Variants in ALMS1 observed in about 807,000 individuals in gnomAD.
ALMS1 encodes ALMS1 centrosome and basal body associated protein.
In ALMS1, 271 loss-of-function variants were observed where a neutral mutation model predicts 352.2. That is an observed-to-expected ratio of 0.77 (90% CI 0.70 to 0.85). The LOEUF (loss-of-function observed/expected upper bound fraction) is 0.85, where lower values mean the gene tolerates loss of function less well. Among genes scored for constraint, ALMS1 ranks in the 40% least tolerant of loss-of-function variants. The pLI, the probability that ALMS1 is intolerant of heterozygous loss-of-function variation, is 0.00. For synonymous variants in ALMS1, 1,865 were observed against 1,761.2 expected (o/e 1.06, Z -1.48); for missense variants, 5,445 against 4,870.7 (o/e 1.12, Z -3.51).
chr2:73,534,989 T>C (rs1351163554), intron 12 of ALMS1, 40 bp downstream of exon 12: 1 of 1,611,658 alleles, frequency 6.2e-7, no homozygotes, highest in Non-Finnish European at 8.5e-7. Context: ...TTGTTTGATA[T>C]TTTATTTGTG....
intron 9 of ALMS1, among the ~76,000 whole-genome samples, chr2:73,485,662 C>T (rs113621039): frequency 3.9e-5 from 6 of 152,288 alleles, no homozygotes; most frequent in African/African-American, 1.4e-4. Context: ...GGCGGGCGCC[C>T]CTCCCCCAGC....
At chr2:73,539,415 G>A (rs550822321) in intron 12 of ALMS1, among the ~76,000 whole-genome samples, 5 of 152,222 alleles carry the variant, frequency 3.3e-5, no homozygotes, top group African/African-American at 1.2e-4. Flanking sequence ...TAAAACCACA[G>A]AGATGGGGAA....
rs765903576 is a variant in ALMS1, at chr2:73,447,966, C to G, written c.1439C>G (p.Thr480Ser). ...CAAATCTCTTTTTCTTTAGGAGACA[C>G]TTCTAAAGGAGGCATAGCTAAAGTT... ...KAPKHLKAGD[T>S]SKGGIAKVTQ... The change falls in exon 8 of 23, where the codon ACT (threonine) becomes AGT (serine). Residue 480 changes from threonine to serine, a missense_variant. Physicochemically the swap from Thr to Ser is moderately conservative, Grantham distance 58 (BLOSUM62 1). Coordinates refer to ENST00000613296, the MANE Select transcript of ALMS1 (RefSeq NM_001378454.1). 2.5e-6 allele frequency: 4 copies of G among 1,610,536 alleles called. No individual in the cohort carries two copies. The highest frequency in any genetic ancestry group is 3.4e-6 in the Non-Finnish European group (4 of 1,177,902).
intron 12 of ALMS1, among the ~76,000 whole-genome samples, chr2:73,548,429 ACCT>A (rs1674363962): frequency 6.6e-6 from 1 of 151,896 alleles, no homozygotes; most frequent in African/African-American, 2.4e-5. Flanking sequence ...GCTGCCTCTC[ACCT>A]CCTCTGAGGT....
chr2:73,387,004 ATAAAT>A lies in ALMS1; in HGVS notation c.324+818_324+822del, dbSNP rs1157079325. 7.9e-5 allele frequency among the ~76,000 whole-genome samples: 12 copies of A among 152,362 alleles called. No individual in the cohort carries two copies. In the East Asian group the frequency reaches 2.3e-3, roughly 29 times the overall value. Reference sequence around the variant, plus strand: ...TTATAGTTTTGAGTAAGAGTTAAAAATAAATTAAATGAAAAATTCCATGCGTCTGT... The same window carrying A: ...TTATAGTTTTGAGTAAGAGTTAAAAATAAATGAAAAATTCCATGCGTCTGT... On this transcript the variant is annotated intron_variant, in intron 1 of 22. Coordinates refer to ENST00000613296, the MANE Select transcript of ALMS1 (RefSeq NM_001378454.1).
rs751494487 is a variant in ALMS1, at chr2:73,449,579, C to G, written c.3052C>G (p.Pro1018Ala). The G allele has an allele frequency of 1.2e-6, 2 of 1,614,030 alleles. No homozygotes were observed. Among genetic ancestry groups the G allele is most frequent in the East Asian group, 4.5e-5 (2 of 44,874 alleles). The change falls in exon 8 of 23, where the codon CCA becomes GCA. Residue 1018 changes from proline (P) to alanine (A), a missense_variant. By Grantham distance (27) the Pro-to-Ala change is conservative. Transcript: ENST00000613296. Reference protein sequence around the residue: ...KPSIFYQQEWPDSYATEKALK... With the variant: ...KPSIFYQQEWADSYATEKALK... ...CAGTATTTTCTATCAACAGGAGTGG[C>G]CAGATAGTTATGCAACTGAAAAGGC...
intron 9 of ALMS1, among the ~76,000 whole-genome samples, chr2:73,488,430 G>A (rs1434916881): frequency 2.0e-5 from 3 of 152,232 alleles, no homozygotes; most frequent in Non-Finnish European, 4.4e-5. Flanking sequence ...GTGGGAGCAG[G>A]CACTTCTGAG....
chr2:73,430,266 C>T (rs1338634875), intron 6 of ALMS1, among the ~76,000 whole-genome samples: 7 of 151,928 alleles, frequency 4.6e-5, no homozygotes, highest in Non-Finnish European at 7.4e-5. Context: ...TTAGTAGAGA[C>T]GGGGTTTCAC....
intron 12 of ALMS1, 123 bp downstream of exon 12, chr2:73,535,072 A>T: frequency 2.4e-6 from 3 of 1,230,802 alleles, no homozygotes; most frequent in East Asian, 2.3e-5. Context: ...GGAACTTTTC[A>T]TACCTTGATC....
At chr2:73,527,655 T>C (rs1673820032) in intron 11 of ALMS1, among the ~76,000 whole-genome samples, 1 of 152,114 alleles carries the variant, frequency 6.6e-6, no homozygotes, top group Admixed American at 6.5e-5. Flanking sequence ...GTCTTCTATT[T>C]TTCTTAGTCT....
At position 73,401,462 on chromosome 2, in the gene ALMS1, G is replaced by A. The variant is rs559565737; in HGVS notation, c.325-7160G>A. ...GTTGAAATATTTTTAAATTTCTTTT[G>A]AGAGTTTTTATTTGACCCACATGCT... is the stretch of plus-strand genomic sequence containing the variant. On this transcript the variant is annotated intron_variant, in intron 1 of 22. Coordinates refer to ENST00000613296, the MANE Select transcript of ALMS1 (RefSeq NM_001378454.1). 2.6e-5 allele frequency among the ~76,000 whole-genome samples: 4 copies of A among 152,092 alleles called. No individual in the cohort carries two copies. In the South Asian group the frequency reaches 8.3e-4, roughly 32 times the overall value.
At chr2:73,486,126 G>T (rs1443827333) in intron 9 of ALMS1, among the ~76,000 whole-genome samples, 1 of 151,868 alleles carries the variant, frequency 6.6e-6, no homozygotes, top group Admixed American at 6.6e-5. Context: ...TAATTGGATT[G>T]TCTTTTTTTT....
intron 9 of ALMS1, among the ~76,000 whole-genome samples, chr2:73,472,438 C>T (rs1009886220): frequency 2.6e-5 from 4 of 152,022 alleles, no homozygotes; most frequent in African/African-American, 9.6e-5. Flanking sequence ...TTGAAATTTG[C>T]AATCAGCATA....
chr2:73,482,157 G>A (rs1194631201), intron 9 of ALMS1, among the ~76,000 whole-genome samples: 2 of 152,164 alleles, frequency 1.3e-5, no homozygotes, highest in African/African-American at 4.8e-5. Context: ...TCTTGTGCCG[G>A]TTTTCAAAGG....
intron 10 of ALMS1, among the ~76,000 whole-genome samples, chr2:73,517,856 C>T (rs1323918481): frequency 6.6e-6 from 1 of 151,860 alleles, no homozygotes; most frequent in African/African-American, 2.4e-5. Flanking sequence ...TGGGGTTTCA[C>T]CATGTTGGCC....
intron 12 of ALMS1, among the ~76,000 whole-genome samples, chr2:73,542,542 G>C (rs951811522): frequency 7.9e-5 from 12 of 152,064 alleles, no homozygotes; most frequent in African/African-American, 2.2e-4. Context: ...GGAAATAAAG[G>C]GTATTCAATT....
At chr2:73,552,438 C>T (rs1228669634) in intron 13 of ALMS1, among the ~76,000 whole-genome samples, 1 of 152,184 alleles carries the variant, frequency 6.6e-6, no homozygotes, top group Non-Finnish European at 1.5e-5. Flanking sequence ...AGCCTAAGAT[C>T]CCAGTGTCAG....
chr2:73,404,451 T>A (rs953507908), intron 1 of ALMS1, among the ~76,000 whole-genome samples: 1 of 152,062 alleles, frequency 6.6e-6, no homozygotes, highest in Admixed American at 6.6e-5. Context: ...AGTTTTCTTC[T>A]GTTTATAGTC....
Position 73,455,256 on chromosome 2 carries a change from A to G in ALMS1, c.7635A>G (p.Ala2545=), listed in dbSNP as rs752568120. The G allele has an allele frequency of 3.1e-6, 5 of 1,614,200 alleles. No individual in the cohort carries two copies. Among genetic ancestry groups the G allele is most frequent in the Non-Finnish European group, 3.4e-6 (4 of 1,180,018 alleles). The change falls in exon 9 of 23, where the codon GCA becomes GCG. Residue 2545 remains alanine (A), a synonymous_variant. Transcript: ENST00000613296. ...DDRRKVEEIK[A]ELFGHGRTTD... ...GGAGGAAAGTAGAAGAGATCAAGGCAGAGTTATTTGGTCATGGAAGAACAA... is the reference window on the plus strand; with the variant it reads ...GGAGGAAAGTAGAAGAGATCAAGGCGGAGTTATTTGGTCATGGAAGAACAA...
Sources: gnomAD v4.1 joint callset for allele counts (sites outside exome capture counted in the v4.1 genomes callset) on GRCh38, gnomAD v4.1.1 for gene constraint, MANE v1.5 for transcripts, NCBI Gene and HGNC (gene_info 2026-07-23, HGNC 2026-07-21) for gene names.